RASSF3: variants seen among roughly 807,000 people sequenced by gnomAD.
The protein encoded by RASSF3 is Ras association domain family member 3.
In RASSF3, 19 loss-of-function variants were observed where a neutral mutation model predicts 19.9. The observed-to-expected ratio is 0.96, with a 90% CI of 0.67 to 1.40. The LOEUF is 1.40. RASSF3 is among the 40% of genes most tolerant of loss of function. The pLI is 0.00. For synonymous variants in RASSF3, 110 were observed against 104.2 expected (o/e 1.06, Z -0.34); for missense variants, 306 against 289.8 (o/e 1.06, Z -0.41).
upstream of RASSF3, among the ~76,000 whole-genome samples, chr12:64,528,467 A>G (rs973973534): frequency 6.6e-6 from 1 of 152,174 alleles, no homozygotes. Context: ...AAAAGCCAGA[A>G]ATACAGGAAT....
intron 1 of RASSF3, among the ~76,000 whole-genome samples, chr12:64,651,274 C>G (rs1346393054): frequency 1.3e-5 from 2 of 152,044 alleles, no homozygotes; most frequent in Admixed American, 6.6e-5. Context: ...TGTGGAGAGA[C>G]AATAAAAATG....
At chr12:64,605,318 A>G (rs1870170998) in intron 2 of RASSF3, among the ~76,000 whole-genome samples, 1 of 150,302 alleles carries the variant, frequency 6.7e-6, no homozygotes, top group Non-Finnish European at 1.5e-5. Flanking sequence ...TTTAGAACAT[A>G]TTTTTTTTCC....
At chr12:64,663,760 C>T (rs960146403) in intron 1 of RASSF3, among the ~76,000 whole-genome samples, 1 of 151,822 alleles carries the variant, frequency 6.6e-6, no homozygotes, top group Non-Finnish European at 1.5e-5. Context: ...CCCACCTCGG[C>T]CTCTCAAAGT....
At chr12:64,674,898 G>T (rs1021202860) in intron 1 of RASSF3, among the ~76,000 whole-genome samples, 4 of 152,066 alleles carry the variant, frequency 2.6e-5, no homozygotes, top group Admixed American at 2.6e-4. Context: ...TCGGTTTTCT[G>T]TGTGCACTCT....
At chr12:64,574,301 A>G (rs1005977252) in intron 2 of RASSF3, among the ~76,000 whole-genome samples, 3 of 150,242 alleles carry the variant, frequency 2.0e-5, no homozygotes, top group African/African-American at 4.9e-5. Flanking sequence ...ACAGAGCGAG[A>G]CTCTGTCTTA....
chr12:64,525,635 G>T (rs1274498791), intron 1 of RASSF3, among the ~76,000 whole-genome samples: 1 of 152,146 alleles, frequency 6.6e-6, no homozygotes, highest in Non-Finnish European at 1.5e-5. Flanking sequence ...ATGAGCCTTG[G>T]CTGCGGAATG....
Position 64,604,913 on chromosome 12 carries a change from C to G in RASSF3, c.294+63208C>G, listed in dbSNP as rs145412455. Among the ~76,000 whole-genome samples, 418 of 152,278 alleles carry G rather than the reference C, an allele frequency of 2.7e-3. 1 individual carries two copies. Among genetic ancestry groups the G allele is most frequent in the African/African-American group, 9.6e-3 (401 of 41,578 alleles). Reference sequence around the variant, plus strand: ...GTGCCGGGATTACAGGCGTGAGCCACCGTGCCCGGCCATGTAACCAACTCC... The same window carrying G: ...GTGCCGGGATTACAGGCGTGAGCCAGCGTGCCCGGCCATGTAACCAACTCC... On this transcript the variant is annotated intron_variant, in intron 2 of 5. Coordinates refer to the RASSF3 transcript ENST00000637125.
At chr12:64,548,768 C>G (rs1869110828) in intron 2 of RASSF3, among the ~76,000 whole-genome samples, 1 of 152,158 alleles carries the variant, frequency 6.6e-6, no homozygotes, top group Non-Finnish European at 1.5e-5. Flanking sequence ...CACCTAAAAT[C>G]TTTAAATTTT....
At chr12:64,531,233 T>C (rs1868700875), upstream of RASSF3, among the ~76,000 whole-genome samples, 2 of 152,208 alleles carry the variant, frequency 1.3e-5, no homozygotes, top group African/African-American at 4.8e-5. Flanking sequence ...TGGTGCAAGG[T>C]ATGGATCAAA....
intron 1 of RASSF3, among the ~76,000 whole-genome samples, chr12:64,534,611 A>G (rs1868782163): frequency 6.6e-6 from 1 of 152,216 alleles, no homozygotes; most frequent in Non-Finnish European, 1.5e-5. Flanking sequence ...GGACCTCTGC[A>G]AGGCTGGTAG....
intron 1 of RASSF3, chr12:64,507,565 T>C (rs1270761037): frequency 9.4e-6 from 3 of 320,804 alleles, no homozygotes; most frequent in Non-Finnish European, 1.7e-5. Context: ...AATTGTATGC[T>C]TTTTAGGCAT....
rs1868356973 is a variant in RASSF3 at position 64,696,111 on chromosome 12, C to CTCCCTCCCTCCCTCCT, written c.*1210_*1211insCTCCTTCCCTCCCTCC. On this transcript the variant is annotated 3_prime_UTR_variant, in exon 5 of 5. Coordinates refer to ENST00000542104, the MANE Select transcript of RASSF3 (RefSeq NM_178169.4). ...CCTCCCTCCCTCCCTCCCTCCCTCC[C>CTCCCTCCCTCCCTCCT]TCCCTCCCTCCTTCCCTCCCTCTCT... The CTCCCTCCCTCCCTCCT allele has an allele frequency of 2.2e-5, 3 of 137,574 alleles. No individual in the cohort carries two copies. The highest frequency in any genetic ancestry group is 4.7e-5 in the Non-Finnish European group (3 of 63,608). The allele number at this position is 137,574 out of a possible 1,614,324, so 8.5% of individuals were successfully genotyped here. A position where few individuals can be genotyped will look rare whatever the true frequency, so the allele number is the denominator to read the frequency against.
chr12:64,656,198 T>A (rs1459855183), intron 1 of RASSF3, among the ~76,000 whole-genome samples: 3 of 152,134 alleles, frequency 2.0e-5, no homozygotes, highest in Non-Finnish European at 4.4e-5. Context: ...AGTGGATGTG[T>A]TTATTGGACT....
At chr12:64,605,812 C>T (rs964819968), upstream of RASSF3, among the ~76,000 whole-genome samples, 3 of 145,824 alleles carry the variant, frequency 2.1e-5, no homozygotes, top group Non-Finnish European at 4.5e-5. Flanking sequence ...CGCTTGAACC[C>T]GGGAGGTGGA....
At chr12:64,574,859 G>A (rs997279140) in intron 2 of RASSF3, among the ~76,000 whole-genome samples, 1 of 152,174 alleles carries the variant, frequency 6.6e-6, no homozygotes, top group African/African-American at 2.4e-5. Flanking sequence ...TAAGACATAA[G>A]TATCTATTGT....
rs1489668101 is a variant in RASSF3 at position 64,641,670 on chromosome 12, A to T, written c.111+30927A>T. On this transcript the variant is annotated intron_variant, in intron 1 of 4. Coordinates refer to ENST00000542104, the MANE Select transcript of RASSF3 (RefSeq NM_178169.4). ...TTTTTTTTTTAAGTTACTGACTCCT[A>T]GGGGGCATTTAAGCGGTTGAATATC... Among the ~76,000 whole-genome samples the T allele has an allele frequency of 6.3e-5, 9 of 143,802 alleles. No individual in the cohort carries two copies. In the South Asian group the frequency reaches 1.8e-3, roughly 28 times the overall value. 94.3% of individuals were successfully genotyped at this position (143,802 alleles called of 152,430 possible).
chr12:64,597,559 T>A (rs193180134), intron 2 of RASSF3, among the ~76,000 whole-genome samples: 130 of 151,634 alleles, frequency 8.6e-4, no homozygotes, highest in Non-Finnish European at 1.8e-3. Flanking sequence ...CAGGTTCAAG[T>A]GATTCTCCTG....
intron 1 of RASSF3, 63 bp downstream of exon 1, chr12:64,610,806 G>C: frequency 9.4e-7 from 1 of 1,063,834 alleles, no homozygotes. Context: ...CCGCCAGCCC[G>C]CGCCCCCTGC....
chr12:64,542,524 G>C (rs952099411), downstream of RASSF3, among the ~76,000 whole-genome samples: 2 of 152,198 alleles, frequency 1.3e-5, no homozygotes, highest in Non-Finnish European at 1.5e-5. Flanking sequence ...AGCTGGCAGT[G>C]ATGCCTGCTC....
Sources: gnomAD v4.1 joint callset for allele counts (sites outside exome capture counted in the v4.1 genomes callset) on GRCh38, gnomAD v4.1.1 for gene constraint, MANE v1.5 for transcripts, NCBI Gene and HGNC (gene_info 2026-07-23, HGNC 2026-07-21) for gene names.